CELF2: variants seen among roughly 807,000 people sequenced by gnomAD.
The protein encoded by CELF2 is CUGBP Elav-like family member 2.
A neutral mutation model predicts 62.6 loss-of-function variants in CELF2; 8 were observed. That is an observed-to-expected ratio of 0.13 (90% CI 0.07 to 0.23). The LOEUF (loss-of-function observed/expected upper bound fraction) is 0.23, where lower values mean the gene tolerates loss of function less well. Among genes scored for constraint, CELF2 ranks in the 10% least tolerant of loss-of-function variants. The pLI, the probability that CELF2 is intolerant of heterozygous loss-of-function variation, is 1.00. For synonymous variants in CELF2, 258 were observed against 250.0 expected (o/e 1.03, Z -0.30); for missense variants, 333 against 671.0 (o/e 0.50, Z 5.56).
chr10:10,749,889 T>C, the CELF2 span, among the ~76,000 whole-genome samples: 3 of 152,192 alleles, frequency 2.0e-5, no homozygotes, highest in Non-Finnish European at 2.9e-5. Context: ...TGGTAATTAG[T>C]AAAGAGAAAA....
Position 11,046,791 on chromosome 10 carries a change from G to T in CELF2, c.74+28628G>T, listed in dbSNP as rs1215490282. ...TTTCTCAACACCCTATTAACATAAAGCTTAAGCCCTTGGCTTGTTGCTTTA... is the reference window on the plus strand; with the variant it reads ...TTTCTCAACACCCTATTAACATAAATCTTAAGCCCTTGGCTTGTTGCTTTA... On this transcript the variant is annotated intron_variant, in intron 1 of 12. Coordinates refer to ENST00000633077, the MANE Select transcript of CELF2 (RefSeq NM_001326342.2). The surrounding 1 kb of genome is among the most constrained non-coding windows in gnomAD (Gnocchi z 4.6). Among the ~76,000 whole-genome samples, 2 of 152,088 alleles carry T rather than the reference G, an allele frequency of 1.3e-5. No homozygotes were observed. The highest frequency in any genetic ancestry group is 4.8e-5 in the African/African-American group (2 of 41,406).
chr10:10,547,363 G>A, the CELF2 span, among the ~76,000 whole-genome samples: 215 of 152,284 alleles, frequency 1.4e-3, no homozygotes, highest in African/African-American at 4.9e-3. Context: ...TCAGAAATAT[G>A]TTTGAAACAA....
At chr10:11,124,080 G>C (rs529001418) in intron 1 of CELF2, among the ~76,000 whole-genome samples, 36 of 152,290 alleles carry the variant, frequency 2.4e-4, no homozygotes, top group African/African-American at 7.5e-4. Flanking sequence ...AAAACCATCA[G>C]ATCTCATGAG....
At chr10:11,139,144 C>T (rs1047770771) in intron 1 of CELF2, among the ~76,000 whole-genome samples, 13 of 152,124 alleles carry the variant, frequency 8.5e-5, no homozygotes, top group African/African-American at 2.9e-4. Context: ...TCTATGGAAA[C>T]AGTAATGCTC....
At position 11,331,928 on chromosome 10, in the gene CELF2, T is replaced by TG. The variant is rs1301770163; in HGVS notation, c.*2877dup. 2 of 152,430 alleles carry TG rather than the reference T, an allele frequency of 1.3e-5. No homozygotes were observed. The highest frequency in any genetic ancestry group is 2.9e-5 in the Non-Finnish European group (2 of 68,044). 9.4% of individuals were successfully genotyped at this position (152,430 alleles called of 1,614,324 possible). On this transcript the variant is annotated 3_prime_UTR_variant, in exon 13 of 13. Coordinates refer to ENST00000633077, the MANE Select transcript of CELF2 (RefSeq NM_001326342.2). ...AGTTTGTTTTGGGGTGTTTCCAATT[T>TG]GGATTTTTTTCCCTGCATCTATCCT...
chr10:11,321,444 A>G lies in CELF2; in HGVS notation c.1294+58A>G. On this transcript the variant is annotated intron_variant, in intron 11 of 12. Coordinates refer to ENST00000633077, the MANE Select transcript of CELF2 (RefSeq NM_001326342.2). This position sits in a 1 kb window ranked among gnomAD's most constrained non-coding sequence, Gnocchi z 6.2. The stretch of plus-strand genomic sequence containing the variant: ...AGCCCAACAGGCAGCACTGGCCTCT[A>G]GAGCACGGTTAGAAGGTATCAAATT... The G allele has an allele frequency of 7.1e-7, 1 of 1,402,684 alleles. No individual in the cohort carries two copies. The highest frequency in any genetic ancestry group is 2.1e-4 in the Middle Eastern group (1 of 4,812). The allele number at this position is 1,402,684 out of a possible 1,614,324, so 86.9% of individuals were successfully genotyped here. A position where few individuals can be genotyped will look rare whatever the true frequency, so the allele number is the denominator to read the frequency against.
the CELF2 span, among the ~76,000 whole-genome samples, chr10:10,587,441 C>T: frequency 2.0e-5 from 3 of 152,280 alleles, no homozygotes; most frequent in African/African-American, 7.2e-5. Flanking sequence ...TTCAGGGGAA[C>T]AGAAGAGGCA....
the CELF2 span, among the ~76,000 whole-genome samples, chr10:10,678,531 C>G: frequency 2.6e-5 from 4 of 152,152 alleles, no homozygotes; most frequent in African/African-American, 7.2e-5. Flanking sequence ...CAGGGCTGAT[C>G]TTTGATTCCA....
chr10:10,710,618 T>G, the CELF2 span, among the ~76,000 whole-genome samples: 1 of 151,684 alleles, frequency 6.6e-6, no homozygotes, highest in Non-Finnish European at 1.5e-5. Context: ...GCTTGAAATC[T>G]GATTTTTTTT....
At chr10:10,685,065 A>G in the CELF2 span, among the ~76,000 whole-genome samples, 3 of 152,110 alleles carry the variant, frequency 2.0e-5, no homozygotes, top group African/African-American at 7.2e-5. Flanking sequence ...AAGGGCTTCA[A>G]AGGGTTGTCA....
At chr10:11,234,580 G>T (rs1332278560) in intron 3 of CELF2, among the ~76,000 whole-genome samples, 2 of 117,822 alleles carry the variant, frequency 1.7e-5, no homozygotes, top group Non-Finnish European at 1.9e-5. Flanking sequence ...TAATCGGGAG[G>T]TTGAGGCAGG....
chr10:11,198,096 T>G (rs1467000290), intron 2 of CELF2, among the ~76,000 whole-genome samples: 1 of 152,240 alleles, frequency 6.6e-6, no homozygotes, highest in Admixed American at 6.5e-5. Context: ...CGCTGCAGGA[T>G]TAATCTGGAA....
At chr10:11,169,468 C>A (rs537761405) in intron 2 of CELF2, among the ~76,000 whole-genome samples, 85 of 152,278 alleles carry the variant, frequency 5.6e-4, no homozygotes, top group African/African-American at 2.0e-3. Context: ...GATGGACTGG[C>A]CTGCTTCAGG....
intron 2 of CELF2, among the ~76,000 whole-genome samples, chr10:10,965,333 G>A (rs2136064702): frequency 6.6e-6 from 1 of 152,214 alleles, no homozygotes; most frequent in East Asian, 1.9e-4. Context: ...ATTCATTCTT[G>A]AGGCTATTTT....
intron 1 of CELF2, among the ~76,000 whole-genome samples, chr10:11,106,107 A>G (rs1358302654): frequency 6.6e-6 from 1 of 152,176 alleles, no homozygotes; most frequent in East Asian, 1.9e-4. Flanking sequence ...TGTCTTGATC[A>G]TTTTTGGAAG....
intron 1 of CELF2, among the ~76,000 whole-genome samples, chr10:10,842,701 G>T (rs527742484): frequency 6.6e-6 from 1 of 151,872 alleles, no homozygotes; most frequent in African/African-American, 2.4e-5. Context: ...CTAATATTTT[G>T]TTGAGGATTT....
In CELF2 at chr10:10,995,991, T is replaced by C. The variant is rs1261770265; in HGVS notation, c.89+75992T>C. Among the ~76,000 whole-genome samples, 1 of 152,252 alleles carries C rather than the reference T, an allele frequency of 6.6e-6. No individual in the cohort carries two copies. Among genetic ancestry groups the C allele is most frequent in the Non-Finnish European group, 1.5e-5 (1 of 68,036 alleles). On this transcript the variant is annotated intron_variant, in intron 2 of 13. Coordinates refer to the CELF2 transcript ENST00000636488. The surrounding 1 kb of genome is among the most constrained non-coding windows in gnomAD (Gnocchi z 4.7). ...TTCAGTCTGTGAATATTCCATGAGC[T>C]AAACACTTAGGTGAACTTTCCTGTA...
At chr10:11,125,928 A>G (rs1019260215) in intron 1 of CELF2, among the ~76,000 whole-genome samples, 12 of 152,332 alleles carry the variant, frequency 7.9e-5, no homozygotes, top group Admixed American at 3.9e-4. Context: ...GCTTCCACCA[A>G]TGTAAACAAT....
At chr10:10,935,099 C>T (rs186774181) in intron 2 of CELF2, 2 of 152,266 alleles carry the variant, frequency 1.3e-5, no homozygotes, top group East Asian at 3.9e-4. Context: ...ATTTGGTGCA[C>T]GACACTGTTA....
Sources: gnomAD v4.1 joint callset for allele counts (sites outside exome capture counted in the v4.1 genomes callset) on GRCh38, gnomAD v4.1.1 for gene constraint, Gnocchi (gnomAD v3.1) non-coding constraint, MANE v1.5 for transcripts, NCBI Gene and HGNC (gene_info 2026-07-23, HGNC 2026-07-21) for gene names.